The following PHKB variants were observed in gnomAD, a reference collection of about 807,000 sequenced individuals.
The protein encoded by PHKB is phosphorylase b kinase regulatory subunit beta.
Under a neutral mutation model 152.1 loss-of-function variants are expected in PHKB, and 122 were observed. That is an observed-to-expected ratio of 0.80 (90% CI 0.69 to 0.93). The LOEUF is 0.93. PHKB is among the 40% of genes least tolerant of loss of function. The pLI, the probability that PHKB is intolerant of heterozygous loss-of-function variation, is 0.00. For missense variants in PHKB, 1,304 were observed against 1,328.4 expected, an observed-to-expected ratio of 0.98 and a Z score of 0.29; for synonymous variants, 436 against 464.9, an observed-to-expected ratio of 0.94 and a Z score of 0.80.
At position 47,588,895 on chromosome 16, in the gene PHKB, T is replaced by C. The variant is rs1377494854; in HGVS notation, c.871-10T>C. ...GGACACTCACAGTCTCTCTTTCTCA[T>C]TGCCTCCAGAATACAGATGCTGCCC... On this transcript the variant is annotated splice_polypyrimidine_tract_variant and intron_variant, in intron 9 of 30. Coordinates refer to ENST00000323584, the MANE Select transcript of PHKB (RefSeq NM_000293.3). 1 of 1,611,394 alleles carries C rather than the reference T, an allele frequency of 6.2e-7. No individual in the cohort carries two copies. The highest frequency in any genetic ancestry group is 1.7e-5 in the Admixed American group (1 of 59,918).
chr16:47,505,639 T>G (rs1278461531), intron 4 of PHKB: 4 of 152,232 alleles, frequency 2.6e-5, no homozygotes, highest in Non-Finnish European at 4.4e-5. Context: ...CCAACTTCTG[T>G]ATTTTAGCAG....
At chr16:47,551,794 T>C (rs971506487) in intron 7 of PHKB, among the ~76,000 whole-genome samples, 6 of 152,182 alleles carry the variant, frequency 3.9e-5, no homozygotes, top group Non-Finnish European at 7.3e-5. Flanking sequence ...TCGTTATTTG[T>C]CTAATATTGA....
chr16:47,641,841 A>G (rs959063817), intron 16 of PHKB, 149 bp downstream of exon 16: 6 of 661,164 alleles, frequency 9.1e-6, no homozygotes, highest in Non-Finnish European at 1.4e-5. Context: ...TGAGAAGTCC[A>G]CTTTAATGGA....
intron 6 of PHKB, among the ~76,000 whole-genome samples, chr16:47,536,994 G>A (rs1490302003): frequency 6.6e-6 from 1 of 152,228 alleles, no homozygotes; most frequent in Non-Finnish European, 1.5e-5. Flanking sequence ...TTAGAACCCA[G>A]GTTCCTGTCG....
At chr16:47,609,469 G>A (rs1343966583) in intron 13 of PHKB, among the ~76,000 whole-genome samples, 1 of 150,998 alleles carries the variant, frequency 6.6e-6, no homozygotes, top group African/African-American at 2.4e-5. Flanking sequence ...GTGAAAGGTT[G>A]GTTTTAATTT....
chr16:47,471,395 G>A (rs935426014), intron 1 of PHKB, among the ~76,000 whole-genome samples: 1 of 152,206 alleles, frequency 6.6e-6, no homozygotes, highest in South Asian at 2.1e-4. Flanking sequence ...CAGTGGAGTT[G>A]TAAGGCTGGA....
At chr16:47,534,673 A>T (rs979360230) in intron 6 of PHKB, among the ~76,000 whole-genome samples, 1 of 152,236 alleles carries the variant, frequency 6.6e-6, no homozygotes, top group Non-Finnish European at 1.5e-5. Context: ...TTTATTAACT[A>T]CCAAGGGAAA....
intron 14 of PHKB, among the ~76,000 whole-genome samples, chr16:47,640,401 T>C (rs1385150427): frequency 2.0e-5 from 3 of 152,202 alleles, no homozygotes; most frequent in Non-Finnish European, 4.4e-5. Flanking sequence ...TTATAGCGAA[T>C]CTTTATCACA....
rs1973433448 is a variant in PHKB, at chr16:47,660,959, C to T, written c.2196+140C>T. 12 of 823,846 alleles carry T rather than the reference C, an allele frequency of 1.5e-5. No individual in the cohort carries two copies. The South Asian group carries it at 1.7e-4, about 12-fold the overall frequency. The allele number at this position is 823,846 out of a possible 1,614,324, so 51.0% of individuals were successfully genotyped here. On this transcript the variant is annotated intron_variant, in intron 22 of 30. Transcript: ENST00000323584. ...GTGGATGACTTGTCTACTCCCAGGG[C>T]AATCATGAGAAGTTGTTCTCTTGGT... is the stretch of plus-strand genomic sequence containing the variant.
intron 25 of PHKB, among the ~76,000 whole-genome samples, chr16:47,667,537 T>G (rs984332303): frequency 2.6e-5 from 4 of 152,216 alleles, no homozygotes; most frequent in Non-Finnish European, 5.9e-5. Context: ...TATCCCTGTT[T>G]GTTGGCTAAA....
intron 6 of PHKB, among the ~76,000 whole-genome samples, chr16:47,524,249 A>G (rs774566506): frequency 6.6e-6 from 1 of 152,050 alleles, no homozygotes; most frequent in Non-Finnish European, 1.5e-5. Context: ...TTTTTCAGTA[A>G]TTATTGTTTA....
intron 1 of PHKB, among the ~76,000 whole-genome samples, chr16:47,495,938 T>TC (rs912358493): frequency 9.8e-5 from 15 of 152,376 alleles, no homozygotes; most frequent in African/African-American, 3.6e-4. Context: ...ACCTATCTTT[T>TC]CAGCAGAAGA....
In PHKB at chr16:47,669,196, A is replaced by T. The variant is rs1322398462; in HGVS notation, c.2428-19A>T. The T allele has an allele frequency of 3.1e-6, 5 of 1,599,588 alleles. No homozygotes were observed. Among genetic ancestry groups the T allele is most frequent in the Non-Finnish European group, 4.3e-6 (5 of 1,166,950 alleles). On this transcript the variant is annotated intron_variant, in intron 25 of 30. Transcript: ENST00000323584. Reference sequence around the variant, plus strand: ...TTAGTAGCTAGGAGAATTTTACAATAAAATTCTGCCACTTGTAGGTAACTC... The same window carrying T: ...TTAGTAGCTAGGAGAATTTTACAATTAAATTCTGCCACTTGTAGGTAACTC...
chr16:47,608,994 T>C (rs1410546183), intron 13 of PHKB, among the ~76,000 whole-genome samples: 1 of 152,210 alleles, frequency 6.6e-6, no homozygotes, highest in African/African-American at 2.4e-5. Context: ...GGGGAAAGCA[T>C]TCAGTCTTTT....
chr16:47,587,403 C>G (rs1167578606), intron 8 of PHKB, among the ~76,000 whole-genome samples: 2 of 152,060 alleles, frequency 1.3e-5, no homozygotes, highest in Non-Finnish European at 2.9e-5. Flanking sequence ...TATTGGCTAT[C>G]TTGTAATCAG....
intron 4 of PHKB, among the ~76,000 whole-genome samples, chr16:47,510,170 T>C (rs1048631239): frequency 2.6e-5 from 4 of 152,188 alleles, no homozygotes; most frequent in African/African-American, 7.2e-5. Flanking sequence ...GGCATGCAGA[T>C]GTGTTCACAG....
At chr16:47,570,604 C>G (rs976791607) in intron 7 of PHKB, among the ~76,000 whole-genome samples, 3 of 151,850 alleles carry the variant, frequency 2.0e-5, no homozygotes, top group Non-Finnish European at 4.4e-5. Context: ...TTGTAACTCC[C>G]TAAATGAGTC....
chr16:47,657,269 C>T (rs146119008), intron 20 of PHKB, among the ~76,000 whole-genome samples: 30 of 152,240 alleles, frequency 2.0e-4, no homozygotes, highest in Non-Finnish European at 4.4e-4. Context: ...AATATTGGCT[C>T]ATTGATTCAA....
intron 13 of PHKB, chr16:47,598,999 T>G (rs1280133485): frequency 5.4e-6 from 5 of 929,900 alleles, no homozygotes; most frequent in South Asian, 1.4e-5. Context: ...CAGCACACCC[T>G]CCCTGACAGC....
Sources: allele counts gnomAD v4.1 joint callset (sites outside exome capture counted in the v4.1 genomes callset), GRCh38; gene constraint gnomAD v4.1.1; transcripts MANE v1.5; gene names NCBI Gene and HGNC (gene_info 2026-07-23, HGNC 2026-07-21).